The following COL25A1 variants were observed in gnomAD, a reference collection of about 807,000 sequenced individuals.
COL25A1 encodes collagen alpha-1(XXV) chain.
A neutral mutation model predicts 128.4 loss-of-function variants in COL25A1; 103 were observed. The observed-to-expected ratio is 0.80, with a 90% CI of 0.68 to 0.94. COL25A1 has a LOEUF of 0.94. COL25A1 is among the 40% of genes least tolerant of loss of function. COL25A1 has a pLI of 0.00. For missense variants in COL25A1, 745 were observed against 840.0 expected (o/e 0.89, Z 1.40); for synonymous variants, 279 against 277.2 (o/e 1.01, Z -0.06).
intron 35 of COL25A1, chr4:108,823,939 T>C: frequency 2.8e-6 from 4 of 1,417,974 alleles, no homozygotes; most frequent in Non-Finnish European, 3.7e-6. Flanking sequence ...AAACTGTAGC[T>C]AGAATATCTG....
At chr4:109,181,053 C>T (rs1309346311) in intron 3 of COL25A1, among the ~76,000 whole-genome samples, 2 of 152,094 alleles carry the variant, frequency 1.3e-5, no homozygotes, top group African/African-American at 4.8e-5. Flanking sequence ...GGGCTCTGTC[C>T]ATCAGGAAGC....
chr4:109,111,717 C>T (rs936615753), intron 3 of COL25A1, among the ~76,000 whole-genome samples: 1 of 152,098 alleles, frequency 6.6e-6, no homozygotes, highest in Non-Finnish European at 1.5e-5. Context: ...AATTTTTAGG[C>T]TTTGGATAAA....
intron 6 of COL25A1, among the ~76,000 whole-genome samples, chr4:108,974,929 C>A (rs1325264180): frequency 1.3e-5 from 2 of 152,162 alleles, no homozygotes; most frequent in African/African-American, 4.8e-5. Flanking sequence ...ACTATTCTGA[C>A]CCCTGACAAT....
chr4:108,889,644 C>T, intron 17 of COL25A1, 57 bp downstream of exon 17: 1 of 1,468,762 alleles, frequency 6.8e-7, no homozygotes, highest in Non-Finnish European at 9.5e-7. Context: ...AAGTAGAGGC[C>T]TATAAAAATC....
At chr4:109,108,533 TGGGTATATACCTA>T in intron 3 of COL25A1, among the ~76,000 whole-genome samples, 1 of 152,278 alleles carries the variant, frequency 6.6e-6, no homozygotes, top group East Asian at 1.9e-4. Context: ...TATAATCCTT[TGGGTATATACCTA>T]GTAATGGGAT....
At chr4:108,920,886 A>C in intron 11 of COL25A1, 1 of 267,298 alleles carries the variant, frequency 3.7e-6, no homozygotes, top group Non-Finnish European at 7.0e-6. Flanking sequence ...TTTTTTTAAA[A>C]AATACCTATA....
At chr4:109,214,318 C>T (rs1345632814) in intron 3 of COL25A1, among the ~76,000 whole-genome samples, 1 of 151,984 alleles carries the variant, frequency 6.6e-6, no homozygotes, top group Non-Finnish European at 1.5e-5. Flanking sequence ...CTGTAGTGAA[C>T]CAAAAACATC....
chr4:108,880,566 T>C (rs896853829), intron 19 of COL25A1, among the ~76,000 whole-genome samples: 2 of 152,204 alleles, frequency 1.3e-5, no homozygotes, highest in African/African-American at 2.4e-5. Context: ...CGACACAGCA[T>C]TTACTACATG....
At chr4:109,046,053 G>T (rs1376674643) in intron 5 of COL25A1, among the ~76,000 whole-genome samples, 1 of 152,156 alleles carries the variant, frequency 6.6e-6, no homozygotes, top group Non-Finnish European at 1.5e-5. Context: ...GTGGTAAACT[G>T]AATCGATTTG....
intron 3 of COL25A1, among the ~76,000 whole-genome samples, chr4:109,274,937 A>C (rs2126268608): frequency 6.6e-6 from 1 of 152,352 alleles, no homozygotes; most frequent in African/African-American, 2.4e-5. Flanking sequence ...TATTACTGCA[A>C]ATAATTGAGA....
intron 3 of COL25A1, among the ~76,000 whole-genome samples, chr4:109,050,533 TAATTA>T (rs1197040574): frequency 8.5e-5 from 13 of 152,200 alleles, no homozygotes; most frequent in African/African-American, 3.1e-4. Flanking sequence ...AGTATATGAA[TAATTA>T]AAGTACTAAT....
intron 3 of COL25A1, among the ~76,000 whole-genome samples, chr4:109,091,748 C>G (rs2126009334): frequency 6.7e-6 from 1 of 149,398 alleles, no homozygotes; most frequent in African/African-American, 2.5e-5. Flanking sequence ...AAAAAAAAAG[C>G]CCTGTACAAT....
rs869043769 is a variant in COL25A1, at chr4:108,951,380, CT to C, written c.493-9944del. ...ATAAACATTTTTTCATTTTTAGAAA[CT>C]TTTTTTTTCTTTTTTTTTTTTTTAG... On this transcript the variant is annotated intron_variant, in intron 8 of 37. Transcript: ENST00000399132. 5.4e-5 allele frequency among the ~76,000 whole-genome samples: 8 copies of C among 148,576 alleles called. 1 individual carries two copies. In the South Asian group the frequency reaches 8.5e-4, roughly 16 times the overall value.
At chr4:108,976,341 T>A (rs1482355326) in intron 6 of COL25A1, among the ~76,000 whole-genome samples, 1 of 152,228 alleles carries the variant, frequency 6.6e-6, no homozygotes, top group Non-Finnish European at 1.5e-5. Flanking sequence ...CTTGAAAATG[T>A]ACCTTTTCCC....
At chr4:109,057,099 A>G (rs543328073) in intron 3 of COL25A1, among the ~76,000 whole-genome samples, 6 of 152,104 alleles carry the variant, frequency 3.9e-5, no homozygotes, top group Non-Finnish European at 7.4e-5. Context: ...GCCTTAAGCA[A>G]TCCTCCTGCC....
chr4:109,040,351 A>G (rs1759764364), intron 5 of COL25A1, among the ~76,000 whole-genome samples: 1 of 152,204 alleles, frequency 6.6e-6, no homozygotes, highest in Admixed American at 6.5e-5. Flanking sequence ...ACAGCATTTT[A>G]CATAGCTAGT....
chr4:108,883,937 CATTT>C (rs1455259175), intron 19 of COL25A1, among the ~76,000 whole-genome samples: 2 of 152,122 alleles, frequency 1.3e-5, no homozygotes, highest in Non-Finnish European at 2.9e-5. Flanking sequence ...GGGACATTTA[CATTT>C]ATTTAAGGGG....
At chr4:108,873,568 T>TAGTAGTAGCGGC (rs528864282) in intron 19 of COL25A1, among the ~76,000 whole-genome samples, 9 of 144,932 alleles carry the variant, frequency 6.2e-5, no homozygotes, top group Admixed American at 2.8e-4. Flanking sequence ...GTAGCAGCAG[T>TAGTAGTAGCGGC]AGCAGCAGTA....
chr4:108,846,386 A>T (rs1735104318), intron 27 of COL25A1, among the ~76,000 whole-genome samples, 167 bp from the exon 28 acceptor site: 1 of 152,212 alleles, frequency 6.6e-6, no homozygotes, highest in South Asian at 2.1e-4. Context: ...AACCTTCTAC[A>T]TGCAATCAGT....
Sources: gnomAD v4.1 joint callset for allele counts (sites outside exome capture counted in the v4.1 genomes callset) on GRCh38, gnomAD v4.1.1 for gene constraint, MANE v1.5 for transcripts, NCBI Gene and HGNC (gene_info 2026-07-23, HGNC 2026-07-21) for gene names.